SEMA3B: variants seen among roughly 807,000 people sequenced by gnomAD.
SEMA3B encodes the protein semaphorin 3B.
Under a neutral mutation model 77.8 loss-of-function variants are expected in SEMA3B, and 71 were observed. That is an observed-to-expected ratio of 0.91 (90% CI 0.75 to 1.11). The LOEUF is 1.11. Ranked by LOEUF, SEMA3B falls within the 50% of genes most tolerant of loss-of-function variation. The pLI, the probability that SEMA3B is intolerant of heterozygous loss-of-function variation, is 0.00. For missense variants in SEMA3B, 968 were observed against 1,056.8 expected, an observed-to-expected ratio of 0.92 and a Z score of 1.17; for synonymous variants, 470 against 452.9, an observed-to-expected ratio of 1.04 and a Z score of -0.48.
chr3:50,271,316 C>T (rs1553705334), intron 5 of SEMA3B, 45 bp from the exon 6 acceptor site: 1 of 1,553,202 alleles, frequency 6.4e-7, no homozygotes, highest in Non-Finnish European at 8.7e-7. Flanking sequence ...CCCTCCTGCC[C>T]CAAGAGCCCT....
At position 50,271,177 on chromosome 3, in the gene SEMA3B, G is replaced by T. The variant is rs782464567; in HGVS notation, c.540G>T (p.Leu180=). The T allele has an allele frequency of 1.8e-5, 28 of 1,569,818 alleles. No homozygotes were observed. In the African/African-American group the frequency reaches 3.7e-4, roughly 20 times the overall value. The part of the protein sequence containing the change: ...YDPRHRAASV[L]VGEELYSGVA... ...CCAGGCATCGGGCTGCCTCCGTGCT[G>T]GTGGGTGAGTCCAAGGGCTAAGGCC... The change falls in exon 5 of 17, where the codon CTG becomes CTT. Residue 180 remains leucine (L), a synonymous_variant. Transcript: ENST00000616701.
intron 6 of SEMA3B, 31 bp downstream of exon 6, chr3:50,271,511 G>A: frequency 6.4e-7 from 1 of 1,552,432 alleles, no homozygotes; most frequent in Middle Eastern, 1.7e-4. Context: ...GTGGGTAGAG[G>A]TCGTCACCCT....
chr3:50,268,004 CA>C (rs781816638), upstream of SEMA3B, among the ~76,000 whole-genome samples: 74 of 152,184 alleles, frequency 4.9e-4, 1 homozygote, highest in Middle Eastern at 3.4e-3. Flanking sequence ...AGCTGAGGGC[CA>C]GGGGGAGGTG....
chr3:50,272,715 A>G (rs991029974), intron 6 of SEMA3B, among the ~76,000 whole-genome samples: 3 of 151,500 alleles, frequency 2.0e-5, no homozygotes, highest in Non-Finnish European at 4.4e-5. Flanking sequence ...CGTCTCAAAA[A>G]AAAAAAAAAA....
Position 50,271,473 on chromosome 3 carries a change from G to A in SEMA3B, c.657G>A (p.Trp219Ter), listed in dbSNP as rs1559786716. The stretch of plus-strand genomic sequence containing the variant: ...GAACAGAGCCACACGACTCCCGCTG[G>A]CTCAATGGTGAGAGGCTGGTGGGGT... ...SLRTEPHDSR[W>*]LNEPKFVKVF... is the part of the protein sequence containing the mutation. The change falls in exon 6 of 17, where the codon TGG becomes TGA. Residue 219 changes from tryptophan to a stop codon, truncating the protein, a stop_gained. Coordinates refer to ENST00000616701, the MANE Select transcript of SEMA3B (RefSeq NM_001290060.2). LOFTEE classifies it high-confidence loss of function. The A allele has an allele frequency of 6.4e-7, 1 of 1,563,114 alleles. No homozygotes were observed. The highest frequency in any genetic ancestry group is 1.4e-5 in the African/African-American group (1 of 73,662).
Position 50,274,273 on chromosome 3 carries a change from C to G in SEMA3B, c.1138-90C>G. The G allele has an allele frequency of 8.0e-7, 1 of 1,244,574 alleles. No individual in the cohort carries two copies. The highest frequency in any genetic ancestry group is 1.1e-6 in the Non-Finnish European group (1 of 898,030). The allele number at this position is 1,244,574 out of a possible 1,614,324, so 77.1% of individuals were successfully genotyped here. A position where few individuals can be genotyped will look rare whatever the true frequency, so the allele number is the denominator to read the frequency against. On this transcript the variant is annotated intron_variant, in intron 10 of 16. Coordinates refer to ENST00000616701, the MANE Select transcript of SEMA3B (RefSeq NM_001290060.2). The surrounding 1 kb of genome is among the most constrained non-coding windows in gnomAD (Gnocchi z 4.7). Reference sequence around the variant, plus strand: ...AGGGCAGGGTTCTGTCCCCATCCCCCTCCATGTTCCCAGAGGCTGGGCATG... The same window carrying G: ...AGGGCAGGGTTCTGTCCCCATCCCCGTCCATGTTCCCAGAGGCTGGGCATG...
Position 50,276,479 on chromosome 3 carries a change from G to T in SEMA3B, c.2023G>T (p.Glu675Ter), listed in dbSNP as rs1001601310. The T allele has an allele frequency of 6.5e-7, 1 of 1,531,190 alleles. No homozygotes were observed. 94.9% of individuals were successfully genotyped at this position (1,531,190 alleles called of 1,614,324 possible). ...ATQAERLARA[E>*]EAAPAAPPGP... is the part of the protein sequence containing the mutation. ...GCAGGCCGAACGACTGGCGCGGGCCGAGGAGGCTGCGCCCGCCGCGCCGCC... is the reference window on the plus strand; with the variant it reads ...GCAGGCCGAACGACTGGCGCGGGCCTAGGAGGCTGCGCCCGCCGCGCCGCC... Residue 675 changes from glutamate to a stop codon, truncating the protein, a stop_gained, in exon 17 of 17, where the codon GAG becomes TAG. Coordinates refer to ENST00000616701, the MANE Select transcript of SEMA3B (RefSeq NM_001290060.2). LOFTEE classifies it low-confidence loss of function (END_TRUNC). This position sits in a 1 kb window ranked among gnomAD's most constrained non-coding sequence, Gnocchi z 5.8.
rs1439396975 is a variant in SEMA3B, at chr3:50,269,666, C to A, written c.109+317C>A. Among the ~76,000 whole-genome samples, 4 of 152,170 alleles carry A rather than the reference C, an allele frequency of 2.6e-5. No individual in the cohort carries two copies. Among genetic ancestry groups the A allele is most frequent in the Non-Finnish European group, 5.9e-5 (4 of 68,032 alleles). On this transcript the variant is annotated intron_variant, in intron 1 of 16. Transcript: ENST00000616701. The surrounding 1 kb of genome is among the most constrained non-coding windows in gnomAD (Gnocchi z 4.0). ...CAGAGCAACAGGGAAGTCAGAGCCC[C>A]CTTCTCATGCCTCCTGTATAGGAGG...
At position 50,275,063 on chromosome 3, in the gene SEMA3B, C is replaced by A; in HGVS notation, c.1491+10C>A. 1 of 1,578,802 alleles carries A rather than the reference C, an allele frequency of 6.3e-7. No homozygotes were observed. The highest frequency in any genetic ancestry group is 2.3e-5 in the East Asian group (1 of 44,410). ...AATTTCTTCCAAGAGGGTGAGTGACCAGGATGGGGGTCGGGGTGGGATGGA... is the reference window on the plus strand; with the variant it reads ...AATTTCTTCCAAGAGGGTGAGTGACAAGGATGGGGGTCGGGGTGGGATGGA... On this transcript the variant is annotated intron_variant, in intron 13 of 16. Coordinates refer to ENST00000616701, the MANE Select transcript of SEMA3B (RefSeq NM_001290060.2). The surrounding 1 kb of genome is among the most constrained non-coding windows in gnomAD (Gnocchi z 7.5).
rs782363995 is a variant in SEMA3B, at chr3:50,270,596, A to AGGGCAGG, written c.330+103_330+109dup. ...AGGCCTGCCTGTTCTGGCTGGGATGAGGGCAGGGAGGTCGAGGTGGCTGAG... is the reference window on the plus strand; with the variant it reads ...AGGCCTGCCTGTTCTGGCTGGGATGAGGGCAGGGGGCAGGGAGGTCGAGGTGGCTGAG... On this transcript the variant is annotated intron_variant, in intron 3 of 16. Transcript: ENST00000616701. This position sits in a 1 kb window ranked among gnomAD's most constrained non-coding sequence, Gnocchi z 4.7. 1.1e-5 allele frequency: 16 copies of AGGGCAGG among 1,518,216 alleles called. No homozygotes were observed. The highest frequency in any genetic ancestry group is 1.4e-5 in the Non-Finnish European group (16 of 1,110,024). 94.0% of individuals were successfully genotyped at this position (1,518,216 alleles called of 1,614,324 possible).
chr3:50,261,613 A>C, the SEMA3B span: 1 of 152,296 alleles, frequency 6.6e-6, no homozygotes, highest in Non-Finnish European at 1.5e-5. Flanking sequence ...GTAGGTGCAG[A>C]CCTAGATGCC....
At position 50,274,487 on chromosome 3, in the gene SEMA3B, T is replaced by C; in HGVS notation, c.1262T>C (p.Phe421Ser). ...CTGCCCACTGGGGGGCGCCCTCTTT[T>C]CCTACAAGTTGGAGCCAATTACACC... ...SVLPTGGRPLFLQVGANYTFT... is the reference protein window; with the variant it reads ...SVLPTGGRPLSLQVGANYTFT... The change falls in exon 11 of 17, where the codon TTC becomes TCC. Residue 421 changes from phenylalanine (F) to serine (S), a missense_variant. By Grantham distance (155) the Phe-to-Ser change is radical. Transcript: ENST00000616701. This position sits in a 1 kb window ranked among gnomAD's most constrained non-coding sequence, Gnocchi z 4.7. 1 of 1,553,852 alleles carries C rather than the reference T, an allele frequency of 6.4e-7. No homozygotes were observed. The highest frequency in any genetic ancestry group is 8.7e-7 in the Non-Finnish European group (1 of 1,152,824).
In SEMA3B at chr3:50,269,628, G is replaced by A. The variant is rs1273642271; in HGVS notation, c.109+279G>A. On this transcript the variant is annotated intron_variant, in intron 1 of 16. Coordinates refer to ENST00000616701, the MANE Select transcript of SEMA3B (RefSeq NM_001290060.2). The surrounding 1 kb of genome is among the most constrained non-coding windows in gnomAD (Gnocchi z 4.0). ...TTCCGTTCAGTACCCCCAACAAGGC[G>A]ATACTCCTTCAGCAGAGCAACAGGG... Among the ~76,000 whole-genome samples the A allele has an allele frequency of 2.6e-5, 4 of 152,168 alleles. No homozygotes were observed. Among genetic ancestry groups the A allele is most frequent in the African/African-American group, 7.2e-5 (3 of 41,424 alleles).
rs1275073198 is a variant in SEMA3B at position 50,276,825 on chromosome 3, G to A, written c.*119G>A. On this transcript the variant is annotated 3_prime_UTR_variant, in exon 17 of 17. Coordinates refer to ENST00000616701, the MANE Select transcript of SEMA3B (RefSeq NM_001290060.2). This position sits in a 1 kb window ranked among gnomAD's most constrained non-coding sequence, Gnocchi z 5.8. ...ACATTGGGGGTCACCGGCCGATGGA[G>A]ACACCAACCGACAGGCCCTGGCTGA... is the stretch of plus-strand genomic sequence containing the variant. The A allele has an allele frequency of 8.4e-7, 1 of 1,187,790 alleles. No homozygotes were observed. The highest frequency in any genetic ancestry group is 1.1e-6 in the Non-Finnish European group (1 of 897,202). The allele number at this position is 1,187,790 out of a possible 1,614,324, so 73.6% of individuals were successfully genotyped here. A position where few individuals can be genotyped will look rare whatever the true frequency, so the allele number is the denominator to read the frequency against.
chr3:50,268,026 A>C (rs1700945465), upstream of SEMA3B, among the ~76,000 whole-genome samples: 1 of 152,122 alleles, frequency 6.6e-6, no homozygotes, highest in African/African-American at 2.4e-5. Context: ...TCTGGCTCCT[A>C]GAGTGAAGGG....
At position 50,275,215 on chromosome 3, in the gene SEMA3B, C is replaced by T. The variant is rs1701190641; in HGVS notation, c.1492-87C>T. The T allele has an allele frequency of 2.6e-5, 38 of 1,464,460 alleles. 1 individual carries two copies. In the South Asian group the frequency reaches 4.3e-4, roughly 16 times the overall value. 90.7% of individuals were successfully genotyped at this position (1,464,460 alleles called of 1,614,324 possible). A position where few individuals can be genotyped will look rare whatever the true frequency, so the allele number is the denominator to read the frequency against. On this transcript the variant is annotated intron_variant, in intron 13 of 16. Transcript: ENST00000616701. The surrounding 1 kb of genome is among the most constrained non-coding windows in gnomAD (Gnocchi z 7.5). ...AGGCGTAAGACCTCAGTGTTCCCAT[C>T]TGTCGAGTGGAAGAAGGGATCCCTG...
upstream of SEMA3B, among the ~76,000 whole-genome samples, chr3:50,265,925 G>A (rs1436340819): frequency 6.6e-6 from 1 of 152,198 alleles, no homozygotes; most frequent in Non-Finnish European, 1.5e-5. Flanking sequence ...TACACATCTA[G>A]AGGACAGAGG....
upstream of SEMA3B, chr3:50,269,036 G>A (rs1443413567): frequency 5.1e-6 from 3 of 588,444 alleles, no homozygotes; most frequent in East Asian, 5.8e-5. This position sits in a 1 kb window ranked among gnomAD's most constrained non-coding sequence, Gnocchi z 4.0. Context: ...GGGCACCCTC[G>A]GAGGGGAGGG....
Position 50,270,535 on chromosome 3 carries a change from G to A in SEMA3B, c.330+40G>A, listed in dbSNP as rs2109237451. ...CCCGGGCCGGGAGTGGGGAGGGTCA[G>A]CCCCTCACCCCAGAGACAGGGCAGG... is the stretch of plus-strand genomic sequence containing the variant. On this transcript the variant is annotated intron_variant, in intron 3 of 16. Coordinates refer to ENST00000616701, the MANE Select transcript of SEMA3B (RefSeq NM_001290060.2). This position sits in a 1 kb window ranked among gnomAD's most constrained non-coding sequence, Gnocchi z 4.7. The A allele has an allele frequency of 3.7e-6, 6 of 1,612,242 alleles. No individual in the cohort carries two copies. Among genetic ancestry groups the A allele is most frequent in the Non-Finnish European group, 5.1e-6 (6 of 1,179,372 alleles).
Sources: gnomAD v4.1 joint callset for allele counts (sites outside exome capture counted in the v4.1 genomes callset) on GRCh38, gnomAD v4.1.1 for gene constraint, Gnocchi (gnomAD v3.1) non-coding constraint, MANE v1.5 for transcripts, NCBI Gene and HGNC (gene_info 2026-07-23, HGNC 2026-07-21) for gene names.